The following CNDP1 variants were observed in gnomAD, a reference collection of about 807,000 sequenced individuals.
CNDP1 encodes beta-Ala-His dipeptidase.
Under a neutral mutation model 58.1 loss-of-function variants are expected in CNDP1, and 44 were observed. That is an observed-to-expected ratio of 0.76 (90% CI 0.60 to 0.97). The LOEUF (loss-of-function observed/expected upper bound fraction) is 0.97, where lower values mean the gene tolerates loss of function less well. Among genes scored for constraint, CNDP1 ranks in the 50% least tolerant of loss-of-function variants. The pLI is 0.00. For missense variants in CNDP1, 616 were observed against 655.1 expected, an observed-to-expected ratio of 0.94 and a Z score of 0.65; for synonymous variants, 254 against 252.6, an observed-to-expected ratio of 1.01 and a Z score of -0.05.
At chr18:74,562,788 C>T (rs375765763) in intron 5 of CNDP1, among the ~76,000 whole-genome samples, 1 of 152,224 alleles carries the variant, frequency 6.6e-6, no homozygotes, top group Admixed American at 6.5e-5. Flanking sequence ...TTAACTCTCT[C>T]GTGTTTCAAC....
At chr18:74,575,751 G>A (rs1339013596) in intron 7 of CNDP1, among the ~76,000 whole-genome samples, 1 of 151,822 alleles carries the variant, frequency 6.6e-6, no homozygotes, top group Non-Finnish European at 1.5e-5. Context: ...GTGTGCGCGT[G>A]TGTGAAGGGG....
rs1164405788 is a variant in CNDP1, at chr18:74,560,978, T to G, written c.426T>G (p.Asp142Glu). The change falls in exon 4 of 12, where the codon GAT (aspartate) becomes GAG (glutamate). Residue 142 changes from aspartate to glutamate, a missense_variant. Physicochemically the swap from Asp to Glu is conservative, Grantham distance 45. Coordinates refer to ENST00000358821, the MANE Select transcript of CNDP1 (RefSeq NM_032649.6). ...HLDVQPADRGDGWLTDPYVLT... is the reference protein window; with the variant it reads ...HLDVQPADRGEGWLTDPYVLT... ...ACGTGCAGCCTGCTGACCGGGGCGA[T>G]GGGTGGCTCACGGACCCCTATGTGC... 6.2e-7 allele frequency: 1 copy of G among 1,614,128 alleles called. No homozygotes were observed. Among genetic ancestry groups the G allele is most frequent in the East Asian group, 2.2e-5 (1 of 44,864 alleles).
Position 74,569,969 on chromosome 18 carries a change from T to C in CNDP1, c.757-1217T>C, listed in dbSNP as rs193005241. On this transcript the variant is annotated intron_variant, in intron 6 of 11. Transcript: ENST00000358821. ...GCGAGGCTGAGGCGGGTGGATCACC[T>C]GAAGTCAGGAGTTCAAGACCAGCCT... Among the ~76,000 whole-genome samples, 374 of 147,874 alleles carry C rather than the reference T, an allele frequency of 2.5e-3. 10 individuals carry two copies. The highest frequency in any genetic ancestry group is 0.022 in the Admixed American group (318 of 14,552).
At position 74,583,705 on chromosome 18, in the gene CNDP1, A is replaced by G; in HGVS notation, c.1454A>G (p.Asn485Ser). ...DGEHSQNEKI[N>S]RWNYIEGTKL... ...GAACATTCGCAGAATGAGAAAATCA[A>G]CAGGTCAGCTGATGCCTGTGCAATG... Residue 485 changes from asparagine to serine, a missense_variant, in exon 11 of 12, where the codon AAC becomes AGC. Asn to Ser is a conservative substitution (Grantham distance 46). Transcript: ENST00000358821. The G allele has an allele frequency of 6.2e-7, 1 of 1,614,156 alleles. No homozygotes were observed. Among genetic ancestry groups the G allele is most frequent in the Non-Finnish European group, 8.5e-7 (1 of 1,180,004 alleles).
At chr18:74,576,828 C>T in intron 7 of CNDP1, 41 bp from the exon 8 acceptor site, 2 of 1,570,292 alleles carry the variant, frequency 1.3e-6, no homozygotes, top group South Asian at 2.4e-5. Context: ...CATTGGCACA[C>T]TCCTTTCTAC....
At chr18:74,578,936 G>C (rs770165687) in intron 9 of CNDP1, among the ~76,000 whole-genome samples, 1 of 152,122 alleles carries the variant, frequency 6.6e-6, no homozygotes, top group Non-Finnish European at 1.5e-5. Flanking sequence ...TCATCAATTT[G>C]CCTCAAGTTA....
chr18:74,568,707 A>T (rs1047758835), intron 6 of CNDP1, among the ~76,000 whole-genome samples: 2 of 152,030 alleles, frequency 1.3e-5, no homozygotes, highest in Non-Finnish European at 2.9e-5. Flanking sequence ...TTTTCTGTTT[A>T]GTAGGAAGTG....
chr18:74,567,811 G>A (rs1981370190), intron 6 of CNDP1, among the ~76,000 whole-genome samples: 1 of 152,202 alleles, frequency 6.6e-6, no homozygotes, highest in Admixed American at 6.5e-5. Flanking sequence ...TCCCAGCGTG[G>A]GCCTGCTGGC....
intron 5 of CNDP1, among the ~76,000 whole-genome samples, chr18:74,563,581 T>C (rs538650815): frequency 5.9e-5 from 9 of 152,350 alleles, no homozygotes; most frequent in African/African-American, 1.9e-4. Flanking sequence ...GCAGGAATGA[T>C]AGTTTCTACC....
At chr18:74,548,082 G>C (rs115436465) in intron 1 of CNDP1, among the ~76,000 whole-genome samples, 1 of 152,196 alleles carries the variant, frequency 6.6e-6, no homozygotes, top group African/African-American at 2.4e-5. Flanking sequence ...CCCAGCCCCC[G>C]CAAGCGCAAC....
chr18:74,547,076 T>C lies in CNDP1; in HGVS notation c.25-9262T>C, dbSNP rs537450612. Among the ~76,000 whole-genome samples, 65 of 152,346 alleles carry C rather than the reference T, an allele frequency of 4.3e-4. 1 individual carries two copies. The South Asian group carries it at 0.012, about 29-fold the overall frequency. ...TGCCGCCACAGTGAGTTAATCAATC[T>C]GCAGGAGCCACGTTGGCTCAGCTCC... is the stretch of plus-strand genomic sequence containing the variant. On this transcript the variant is annotated intron_variant, in intron 1 of 11. Coordinates refer to ENST00000358821, the MANE Select transcript of CNDP1 (RefSeq NM_032649.6).
chr18:74,550,312 A>G (rs964836014), intron 1 of CNDP1, among the ~76,000 whole-genome samples: 1 of 152,118 alleles, frequency 6.6e-6, no homozygotes, highest in Admixed American at 6.5e-5. Flanking sequence ...ATTATTTTGG[A>G]GCTTTAAGAT....
chr18:74,563,000 G>A (rs574398211), intron 5 of CNDP1, among the ~76,000 whole-genome samples: 25 of 152,266 alleles, frequency 1.6e-4, no homozygotes, highest in Non-Finnish European at 2.6e-4. Context: ...CCTGGACGCC[G>A]CCTCAGCCCT....
At chr18:74,563,654 C>T (rs1169056130) in intron 5 of CNDP1, among the ~76,000 whole-genome samples, 2 of 152,160 alleles carry the variant, frequency 1.3e-5, no homozygotes, top group Non-Finnish European at 2.9e-5. Flanking sequence ...CGAGGTCCTT[C>T]GAGAGTGTTC....
intron 6 of CNDP1, among the ~76,000 whole-genome samples, chr18:74,568,349 G>T (rs1032208071): frequency 6.6e-6 from 1 of 152,188 alleles, no homozygotes; most frequent in Non-Finnish European, 1.5e-5. Flanking sequence ...AATAGTCTCT[G>T]CCCTCAGGAA....
intron 1 of CNDP1, among the ~76,000 whole-genome samples, chr18:74,547,390 C>A (rs1340561398): frequency 6.6e-6 from 1 of 152,228 alleles, no homozygotes; most frequent in Non-Finnish European, 1.5e-5. Flanking sequence ...AGGACCCACC[C>A]TTGGCCTGAG....
chr18:74,559,656 T>C (rs1981137144), intron 3 of CNDP1, among the ~76,000 whole-genome samples, 184 bp downstream of exon 3: 1 of 152,156 alleles, frequency 6.6e-6, no homozygotes, highest in Non-Finnish European at 1.5e-5. Flanking sequence ...TTTCCAGTCT[T>C]GTCAGGACTC....
intron 1 of CNDP1, among the ~76,000 whole-genome samples, chr18:74,546,539 C>T (rs1236323962): frequency 6.6e-6 from 1 of 152,034 alleles, no homozygotes. Context: ...TGCCACATGC[C>T]GTATTCTCTC....
chr18:74,567,551 C>CT (rs1981362799), intron 6 of CNDP1, 118 bp downstream of exon 6: 1 of 885,738 alleles, frequency 1.1e-6, no homozygotes, highest in African/African-American at 1.7e-5. Flanking sequence ...AGAGGCCTTA[C>CT]CTGGGACACA....
Sources: allele counts gnomAD v4.1 joint callset (sites outside exome capture counted in the v4.1 genomes callset), GRCh38; gene constraint gnomAD v4.1.1; transcripts MANE v1.5; gene names NCBI Gene and HGNC (gene_info 2026-07-23, HGNC 2026-07-21).